The following HS6ST3 variants were observed in gnomAD, a reference collection of about 807,000 sequenced individuals.
HS6ST3 encodes the protein heparan sulfate 6-O-sulfotransferase 3, also known as heparan-sulfate 6-O-sulfotransferase 3.
In HS6ST3, 12 loss-of-function variants were observed where a neutral mutation model predicts 36.7. The ratio of observed to expected loss-of-function variants is 0.33; its 90% CI spans 0.21 to 0.53. The LOEUF (loss-of-function observed/expected upper bound fraction) is 0.53. Among genes scored for constraint, HS6ST3 ranks in the 20% least tolerant of loss-of-function variants. HS6ST3 has a pLI of 0.95. For synonymous variants in HS6ST3, 240 were observed against 257.5 expected (o/e 0.93, Z 0.65); for missense variants, 584 against 640.9 (o/e 0.91, Z 0.96).
At chr13:96,623,152 G>A (rs1211575059) in intron 1 of HS6ST3, among the ~76,000 whole-genome samples, 1 of 151,894 alleles carries the variant, frequency 6.6e-6, no homozygotes, top group African/African-American at 2.4e-5. Flanking sequence ...TTTTACTTAG[G>A]TGTAAGCATT....
At chr13:96,670,786 GACCTGTCCTA>G (rs2056680373) in intron 1 of HS6ST3, among the ~76,000 whole-genome samples, 1 of 152,128 alleles carries the variant, frequency 6.6e-6, no homozygotes, top group Non-Finnish European at 1.5e-5. Context: ...CTTGGAAGAG[GACCTGTCCTA>G]CCAAATGGAC....
At chr13:96,106,444 C>T (rs1029689814) in intron 1 of HS6ST3, among the ~76,000 whole-genome samples, 5 of 152,200 alleles carry the variant, frequency 3.3e-5, no homozygotes, top group African/African-American at 1.2e-4. Flanking sequence ...GAAGTTGAAA[C>T]CTCCTTCCAA....
At chr13:96,827,589 A>G (rs1448434434) in intron 1 of HS6ST3, among the ~76,000 whole-genome samples, 2 of 152,208 alleles carry the variant, frequency 1.3e-5, no homozygotes, top group Non-Finnish European at 2.9e-5. Flanking sequence ...TCATCAATAA[A>G]TATATTCCAC....
intron 1 of HS6ST3, among the ~76,000 whole-genome samples, chr13:96,698,115 T>C (rs1566432466): frequency 6.6e-6 from 1 of 152,218 alleles, no homozygotes; most frequent in Non-Finnish European, 1.5e-5. Flanking sequence ...TACATATGTA[T>C]ACATGTGCCA....
rs191476364 is a variant in HS6ST3, at chr13:96,275,226, G to C, written c.707+183657G>C. Among the ~76,000 whole-genome samples the C allele has an allele frequency of 1.6e-3, 246 of 152,266 alleles. 1 individual carries two copies. Among genetic ancestry groups the C allele is most frequent in the Non-Finnish European group, 2.7e-3 (184 of 68,010 alleles). ...TTCCATGTTTGATTTAGTAGAAGCA[G>C]TTAATGGTTTTGTTTTTATTATCTT... On this transcript the variant is annotated intron_variant, in intron 1 of 1. Transcript: ENST00000376705.
chr13:96,232,411 CAAAG>C (rs2054513192), intron 1 of HS6ST3, among the ~76,000 whole-genome samples: 1 of 152,056 alleles, frequency 6.6e-6, no homozygotes, highest in South Asian at 2.1e-4. Flanking sequence ...AAATGTCCTA[CAAAG>C]GTAGGAGAGT....
At chr13:96,114,680 A>AT (rs2053885622) in intron 1 of HS6ST3, among the ~76,000 whole-genome samples, 1 of 152,198 alleles carries the variant, frequency 6.6e-6, no homozygotes, top group African/African-American at 2.4e-5. Flanking sequence ...TGTCTGGTGT[A>AT]TATAAGGCCC....
chr13:96,358,528 T>C (rs558232428), intron 1 of HS6ST3, among the ~76,000 whole-genome samples: 1 of 151,956 alleles, frequency 6.6e-6, no homozygotes, highest in African/African-American at 2.4e-5. Flanking sequence ...TTTAAAAAAA[T>C]TAATGTCATA....
intron 1 of HS6ST3, among the ~76,000 whole-genome samples, chr13:96,439,102 T>C (rs2055657337): frequency 6.6e-6 from 1 of 152,014 alleles, no homozygotes; most frequent in South Asian, 2.1e-4. Flanking sequence ...GATGGTTATA[T>C]GTGGCCGCTA....
chr13:96,493,278 A>G (rs1039915256), intron 1 of HS6ST3, among the ~76,000 whole-genome samples: 1 of 152,194 alleles, frequency 6.6e-6, no homozygotes, highest in Non-Finnish European at 1.5e-5. Context: ...AGGAACCTCT[A>G]TAATCATCCT....
intron 1 of HS6ST3, among the ~76,000 whole-genome samples, chr13:96,174,772 C>T (rs1032954066): frequency 1.3e-5 from 2 of 152,038 alleles, no homozygotes; most frequent in African/African-American, 4.8e-5. Context: ...ATGATTGGAC[C>T]TTCAGAGAAT....
In HS6ST3 at chr13:96,406,417, C is replaced by T. The variant is rs192471078; in HGVS notation, c.707+314848C>T. On this transcript the variant is annotated intron_variant, in intron 1 of 1. Coordinates refer to ENST00000376705, the MANE Select transcript of HS6ST3 (RefSeq NM_153456.4). The stretch of plus-strand genomic sequence containing the variant: ...ACAATTACAGTACTTGGTTTGTTTT[C>T]GTGGCTGTGAAAATACCAGTGCTAT... 2.3e-3 allele frequency among the ~76,000 whole-genome samples: 347 copies of T among 152,224 alleles called. No individual in the cohort carries two copies. In the Middle Eastern group the frequency reaches 0.027, roughly 12 times the overall value.
At chr13:96,610,606 A>G (rs1401568226) in intron 1 of HS6ST3, among the ~76,000 whole-genome samples, 1 of 152,188 alleles carries the variant, frequency 6.6e-6, no homozygotes, top group Non-Finnish European at 1.5e-5. Flanking sequence ...GAATAGCACC[A>G]ATAGCTTGAA....
chr13:96,612,357 G>T (rs555614873), intron 1 of HS6ST3, among the ~76,000 whole-genome samples: 2 of 151,564 alleles, frequency 1.3e-5, no homozygotes, highest in Admixed American at 6.6e-5. Flanking sequence ...GTCATTTATT[G>T]TAGCTTCTAT....
intron 1 of HS6ST3, among the ~76,000 whole-genome samples, chr13:96,174,235 A>G (rs1272461413): frequency 6.6e-6 from 1 of 152,136 alleles, no homozygotes; most frequent in East Asian, 1.9e-4. Context: ...CTCAGAGGCA[A>G]TCACTTCCAG....
rs558019543 is a variant in HS6ST3 at position 96,332,059 on chromosome 13, C to A, written c.707+240490C>A. On this transcript the variant is annotated intron_variant, in intron 1 of 1. Transcript: ENST00000376705. ...TTCGGCTCGCGCAGGGTGCACGCAC[C>A]CACTGACCTGCGCCCACTGTCTGGC... Among the ~76,000 whole-genome samples, 621 of 152,300 alleles carry A rather than the reference C, an allele frequency of 4.1e-3. 4 individuals are homozygous for A. The highest frequency in any genetic ancestry group is 6.0e-3 in the Non-Finnish European group (405 of 68,040).
intron 1 of HS6ST3, among the ~76,000 whole-genome samples, chr13:96,457,218 G>A (rs2055758505): frequency 6.6e-6 from 1 of 152,044 alleles, no homozygotes; most frequent in Non-Finnish European, 1.5e-5. Flanking sequence ...CTTGAATGTA[G>A]CTAGATTGAC....
chr13:96,698,924 A>G (rs1875205346), intron 1 of HS6ST3, among the ~76,000 whole-genome samples: 1 of 152,200 alleles, frequency 6.6e-6, no homozygotes, highest in South Asian at 2.1e-4. Context: ...GGAACAGAAC[A>G]GAGCCCTCAG....
At chr13:96,232,313 C>T (rs962685224) in intron 1 of HS6ST3, among the ~76,000 whole-genome samples, 3 of 151,904 alleles carry the variant, frequency 2.0e-5, no homozygotes, top group Non-Finnish European at 4.4e-5. Flanking sequence ...GTGAAAGCTT[C>T]GCTGGTTGTG....
Sources: gnomAD v4.1 joint callset for allele counts (sites outside exome capture counted in the v4.1 genomes callset) on GRCh38, gnomAD v4.1.1 for gene constraint, MANE v1.5 for transcripts, NCBI Gene and HGNC (gene_info 2026-07-23, HGNC 2026-07-21) for gene names.